The following CSMD1 variants were observed in gnomAD, a reference collection of about 807,000 sequenced individuals.
CSMD1 encodes the protein CUB and sushi domain-containing protein 1.
Under a neutral mutation model 417.5 loss-of-function variants are expected in CSMD1, and 213 were observed. That is an observed-to-expected ratio of 0.51 (90% CI 0.46 to 0.57). The LOEUF is 0.57. Ranked by LOEUF, CSMD1 falls within the 20% of genes least tolerant of loss-of-function variation. CSMD1 has a pLI of 0.00. For synonymous variants in CSMD1, 2,862 were observed against 1,736.8 expected (o/e 1.65, Z -16.11); for missense variants, 6,923 against 4,529.7 (o/e 1.53, Z -15.17).
At chr8:3,937,419 A>G (rs1177072173) in intron 5 of CSMD1, among the ~76,000 whole-genome samples, 5 of 152,194 alleles carry the variant, frequency 3.3e-5, no homozygotes, top group Non-Finnish European at 4.4e-5. Context: ...AGTCACCTCA[A>G]TTCTCAGCAA....
chr8:3,709,709 T>C lies in CSMD1; in HGVS notation c.932-1218A>G, dbSNP rs866731061. ...TTTTTTTTTTTTTTTTTTTTTTTTT[T>C]CCCTGCTTTCTGCTTTCTGACTGGA... On this transcript the variant is annotated intron_variant, in intron 6 of 69. Coordinates refer to ENST00000635120, the MANE Select transcript of CSMD1 (RefSeq NM_033225.6). 5.6e-3 allele frequency among the ~76,000 whole-genome samples: 726 copies of C among 129,564 alleles called. 21 individuals carry two copies. Among genetic ancestry groups the C allele is most frequent in the African/African-American group, 0.02 (690 of 34,218 alleles). 85.0% of individuals were successfully genotyped at this position (129,564 alleles called of 152,430 possible).
Position 3,219,307 on chromosome 8 carries a change from T to C in CSMD1, c.4620A>G (p.Ala1540=), listed in dbSNP as rs1414426986. The stretch of plus-strand genomic sequence containing the variant: ...GGCCCACGGAGGCATCACTCCGAAA[T>C]GCCAGAAACAGGCTGTTTCCGCTAC... The part of the protein sequence containing the change: ...IESSGNSLFL[A]FRSDASVGLS... The change falls in exon 29 of 70, where the codon GCA becomes GCG. Residue 1540 remains alanine (A), a synonymous_variant. Transcript: ENST00000635120. 1.9e-6 allele frequency: 3 copies of C among 1,592,776 alleles called. No homozygotes were observed. The highest frequency in any genetic ancestry group is 3.5e-5 in the Admixed American group (2 of 57,350).
At chr8:4,264,610 C>T (rs778958723) in intron 3 of CSMD1, among the ~76,000 whole-genome samples, 2 of 152,090 alleles carry the variant, frequency 1.3e-5, no homozygotes, top group East Asian at 1.9e-4. Context: ...GGGTAGATAG[C>T]AGTAAGGGTT....
intron 1 of CSMD1, among the ~76,000 whole-genome samples, chr8:4,846,400 C>T (rs1280298058): frequency 6.6e-6 from 1 of 152,186 alleles, no homozygotes; most frequent in Non-Finnish European, 1.5e-5. Flanking sequence ...CTAAAGCCAT[C>T]ACTAACTCAG....
intron 2 of CSMD1, among the ~76,000 whole-genome samples, chr8:4,458,329 T>G (rs1799610371): frequency 1.3e-5 from 2 of 152,144 alleles, no homozygotes; most frequent in Admixed American, 6.5e-5. Context: ...AAGGGATCGA[T>G]TAGCTGAAAG....
chr8:4,957,062 G>A (rs1809162905), intron 1 of CSMD1, among the ~76,000 whole-genome samples: 2 of 152,204 alleles, frequency 1.3e-5, no homozygotes, highest in African/African-American at 2.4e-5. Flanking sequence ...ACATTAATTT[G>A]AGACTGTTGC....
At chr8:4,801,130 A>C (rs970777806) in intron 1 of CSMD1, among the ~76,000 whole-genome samples, 1 of 152,214 alleles carries the variant, frequency 6.6e-6, no homozygotes, top group Admixed American at 6.5e-5. Flanking sequence ...GTGTCATTTT[A>C]CATTTTTTGT....
intron 6 of CSMD1, among the ~76,000 whole-genome samples, chr8:3,743,627 TC>T (rs1796925120): frequency 1.3e-5 from 2 of 152,112 alleles, no homozygotes; most frequent in Admixed American, 1.3e-4. Flanking sequence ...AAACCTTCCT[TC>T]CCCTTTTTGG....
intron 18 of CSMD1, among the ~76,000 whole-genome samples, chr8:3,376,022 A>C (rs1178816440): frequency 6.6e-6 from 1 of 151,940 alleles, no homozygotes; most frequent in Non-Finnish European, 1.5e-5. Context: ...ATCCTCATCC[A>C]CTTTTCTGTG....
chr8:4,539,022 G>T (rs1205528902), intron 2 of CSMD1, among the ~76,000 whole-genome samples: 2 of 152,150 alleles, frequency 1.3e-5, no homozygotes, highest in Non-Finnish European at 2.9e-5. Context: ...CCCTTGTCAG[G>T]CAACGTTATC....
intron 23 of CSMD1, among the ~76,000 whole-genome samples, chr8:3,327,125 C>G (rs767428792): frequency 3.3e-5 from 5 of 150,402 alleles, no homozygotes; most frequent in Non-Finnish European, 7.4e-5. Context: ...GGCATTAACA[C>G]TTGACATCTT....
chr8:3,904,874 T>C (rs377263671), intron 5 of CSMD1, among the ~76,000 whole-genome samples: 101 of 152,228 alleles, frequency 6.6e-4, no homozygotes, highest in African/African-American at 2.3e-3. Flanking sequence ...TGACCTCAAG[T>C]GATCCACCTG....
intron 1 of CSMD1, among the ~76,000 whole-genome samples, chr8:4,696,109 G>C (rs1046441004): frequency 6.6e-5 from 10 of 152,138 alleles, no homozygotes. Flanking sequence ...CTTCAACAAG[G>C]ATAATGCCTT....
chr8:4,102,902 G>C (rs896134416), intron 3 of CSMD1, among the ~76,000 whole-genome samples: 4 of 152,180 alleles, frequency 2.6e-5, no homozygotes, highest in Admixed American at 2.0e-4. Flanking sequence ...TTATAGCAAA[G>C]TGCTGAGTGC....
chr8:4,375,170 G>C (rs67623617), intron 3 of CSMD1, among the ~76,000 whole-genome samples: 4,305 of 152,224 alleles, frequency 0.028, 91 homozygotes, highest in Middle Eastern at 0.051. Context: ...GTAAAATAAC[G>C]AAAGCAAGAA....
At chr8:3,783,512 G>A (rs909962237) in intron 5 of CSMD1, among the ~76,000 whole-genome samples, 1 of 152,188 alleles carries the variant, frequency 6.6e-6, no homozygotes, top group African/African-American at 2.4e-5. Flanking sequence ...GAAAGGACCT[G>A]AATCCTGTGC....
chr8:3,263,616 A>C (rs1017818833), intron 26 of CSMD1, among the ~76,000 whole-genome samples: 1 of 152,240 alleles, frequency 6.6e-6, no homozygotes, highest in Non-Finnish European at 1.5e-5. Context: ...GTATGAAATT[A>C]TATTTTTGAG....
At chr8:3,285,785 C>G (rs958711959) in intron 25 of CSMD1, among the ~76,000 whole-genome samples, 1 of 151,830 alleles carries the variant, frequency 6.6e-6, no homozygotes, top group Non-Finnish European at 1.5e-5. Context: ...TCTCTTATCA[C>G]ACACTCTGAA....
intron 68 of CSMD1, among the ~76,000 whole-genome samples, chr8:2,943,461 C>T (rs1041554739): frequency 3.3e-5 from 5 of 152,146 alleles, no homozygotes; most frequent in African/African-American, 1.2e-4. Flanking sequence ...CTCCTGACTT[C>T]AAATGATCCA....
Sources: allele counts gnomAD v4.1 joint callset (sites outside exome capture counted in the v4.1 genomes callset), GRCh38; gene constraint gnomAD v4.1.1; transcripts MANE v1.5; gene names NCBI Gene and HGNC (gene_info 2026-07-23, HGNC 2026-07-21).